PROM1: variants seen among roughly 807,000 people sequenced by gnomAD.
PROM1 encodes prominin 1, also known as prominin-1.
A neutral mutation model predicts 116.9 loss-of-function variants in PROM1; 105 were observed. The ratio of observed to expected loss-of-function variants is 0.90; its 90% CI spans 0.77 to 1.06. The LOEUF is 1.06. Among genes scored for constraint, PROM1 ranks in the 50% least tolerant of loss-of-function variants. The pLI is 0.00. For missense variants in PROM1, 1,122 were observed against 1,045.2 expected (o/e 1.07, Z -1.01); for synonymous variants, 393 against 387.0 (o/e 1.02, Z -0.18).
chr4:15,984,658 G>A (rs1442483868), intron 22 of PROM1, among the ~76,000 whole-genome samples: 2 of 152,154 alleles, frequency 1.3e-5, no homozygotes, highest in African/African-American at 4.8e-5. Context: ...AGCAGCAGCA[G>A]CATTAGATTC....
rs886059201 is a variant in PROM1 at position 15,994,037 on chromosome 4, G to A, written c.1717C>T (p.Leu573Phe). The A allele has an allele frequency of 1.1e-5, 18 of 1,613,888 alleles. No homozygotes were observed. The highest frequency in any genetic ancestry group is 1.6e-4 in the Middle Eastern group (1 of 6,084). Residue 573 changes from leucine (L) to phenylalanine (F), a missense_variant, in exon 16 of 28, where the codon CTT becomes TTT. By Grantham distance (22) the Leu-to-Phe change is conservative. Coordinates refer to ENST00000447510, the MANE Select transcript of PROM1 (RefSeq NM_006017.3). The stretch of plus-strand genomic sequence containing the variant: ...ATATTGAAGCTGTTCTGCAGGTGAA[G>A]AGTGCCGTAAGTGCCTCTATTTTTT... ...CKKNRGTYGT[L>F]HLQNSFNISE...
chr4:16,039,593 C>T (rs575040628), intron 2 of PROM1, among the ~76,000 whole-genome samples: 2 of 152,172 alleles, frequency 1.3e-5, no homozygotes, highest in South Asian at 4.1e-4. Context: ...CAAAAATTAG[C>T]CAGGCGTGGT....
rs4698436 is a variant in PROM1, at chr4:15,991,208, C to T, written c.1983+14G>A. ...ACAACTACTACAGTATTTAACCGGACGATTTGAACTCACCAAACTGTTTGC... is the reference window on the plus strand; with the variant it reads ...ACAACTACTACAGTATTTAACCGGATGATTTGAACTCACCAAACTGTTTGC... On this transcript the variant is annotated intron_variant, in intron 18 of 27. Coordinates refer to ENST00000447510, the MANE Select transcript of PROM1 (RefSeq NM_006017.3). 0.027 allele frequency: 43,071 copies of T among 1,595,646 alleles called. 1,760 individuals are homozygous for T. The highest frequency in any genetic ancestry group is 0.18 in the East Asian group (7,966 of 43,964).
intron 2 of PROM1, among the ~76,000 whole-genome samples, chr4:16,071,281 T>C (rs540789213): frequency 1.3e-5 from 2 of 152,298 alleles, no homozygotes; most frequent in South Asian, 2.1e-4. Flanking sequence ...TTTCAATAAA[T>C]GCTTGTCCAA....
intron 16 of PROM1, 119 bp from the exon 17 acceptor site, chr4:15,992,510 T>A (rs1721321938): frequency 1.8e-6 from 2 of 1,093,566 alleles, no homozygotes; most frequent in Non-Finnish European, 2.6e-6. Context: ...CCTAGCACTT[T>A]GGGAGGCTGA....
In PROM1 at chr4:15,992,319, C is replaced by T; in HGVS notation, c.1840G>A (p.Gly614Arg). 1.9e-6 allele frequency: 3 copies of T among 1,613,880 alleles called. No individual in the cohort carries two copies. The highest frequency in any genetic ancestry group is 2.5e-6 in the Non-Finnish European group (3 of 1,179,858). Residue 614 changes from glycine (G) to arginine (R), a missense_variant, in exon 17 of 28, where the codon GGA (glycine) becomes AGA (arginine). Transcript: ENST00000447510. ...NLNIFLLGAA[G>R]RKNLQDFAAC... is the part of the protein sequence containing the mutation. ...GCAAAATCCTGAAGGTTTTTTCTTC[C>T]TGCTGCACCCAACAGAAAGATATTA...
chr4:15,974,321 C>T (rs1356958085), intron 26 of PROM1, among the ~76,000 whole-genome samples: 3 of 152,128 alleles, frequency 2.0e-5, no homozygotes, highest in South Asian at 4.2e-4. Flanking sequence ...TCCAGGCTTA[C>T]GTAGGTTTAT....
At chr4:16,077,905 C>T (rs889606188) in intron 1 of PROM1, among the ~76,000 whole-genome samples, 6 of 152,212 alleles carry the variant, frequency 3.9e-5, no homozygotes, top group African/African-American at 9.7e-5. Flanking sequence ...CACCTCACCC[C>T]GAATCCAAAG....
rs558530380 is a variant in PROM1 at position 15,971,066 on chromosome 4, A to G, written c.*1T>C. The G allele has an allele frequency of 1.2e-5, 19 of 1,581,834 alleles. No individual in the cohort carries two copies. The South Asian group carries it at 2.1e-4, about 17-fold the overall frequency. On this transcript the variant is annotated 3_prime_UTR_variant, in exon 27 of 28. Transcript: ENST00000447510. ...ACCTCAAGCAGTTTCAACATCAGCT[A>G]TCAATGTTGTGATGGGCTAAAAAAC...
chr4:15,981,366 C>T (rs1717895991), intron 23 of PROM1, among the ~76,000 whole-genome samples: 2 of 151,346 alleles, frequency 1.3e-5, no homozygotes, highest in African/African-American at 2.4e-5. Context: ...GTTAGGAGGT[C>T]GAGACCATTC....
At chr4:16,070,788 C>G (rs1188885777) in intron 2 of PROM1, among the ~76,000 whole-genome samples, 1 of 152,162 alleles carries the variant, frequency 6.6e-6, no homozygotes, top group African/African-American at 2.4e-5. Context: ...CAAGGGAACA[C>G]GGCCCACTTA....
At chr4:16,081,020 A>G (rs1394583531) in intron 1 of PROM1, among the ~76,000 whole-genome samples, 1 of 151,284 alleles carries the variant, frequency 6.6e-6, no homozygotes, top group Non-Finnish European at 1.5e-5. Context: ...CCTTTCAAGA[A>G]GTCCTTTTAT....
In PROM1 at chr4:16,016,347, C is replaced by G. The variant is rs1448138420; in HGVS notation, c.1003-107G>C. The G allele has an allele frequency of 7.5e-5, 65 of 871,750 alleles. No homozygotes were observed. In the South Asian group the frequency reaches 1.0e-3, roughly 14 times the overall value. 54.0% of individuals were successfully genotyped at this position (871,750 alleles called of 1,614,324 possible). ...TCCAAGTCCCAAAGCATCTATACTACAGGGTACAATCGCAGTTTCTTTTGA... is the reference window on the plus strand; with the variant it reads ...TCCAAGTCCCAAAGCATCTATACTAGAGGGTACAATCGCAGTTTCTTTTGA... On this transcript the variant is annotated intron_variant, in intron 9 of 27. Coordinates refer to ENST00000447510, the MANE Select transcript of PROM1 (RefSeq NM_006017.3).
intron 5 of PROM1, among the ~76,000 whole-genome samples, chr4:16,026,517 G>A (rs898169450): frequency 6.6e-6 from 1 of 152,162 alleles, no homozygotes; most frequent in African/African-American, 2.4e-5. Flanking sequence ...CATATCAGAT[G>A]CAGAAAATCA....
At chr4:16,042,135 G>T (rs926600294) in intron 2 of PROM1, among the ~76,000 whole-genome samples, 6 of 152,130 alleles carry the variant, frequency 3.9e-5, no homozygotes, top group African/African-American at 1.4e-4. Flanking sequence ...TGAAATGAAA[G>T]AAGTGGAGCT....
At chr4:15,989,446 C>T (rs1332901619) in intron 19 of PROM1, among the ~76,000 whole-genome samples, 5 of 152,142 alleles carry the variant, frequency 3.3e-5, no homozygotes, top group East Asian at 1.9e-4. Flanking sequence ...TAGCTAAATG[C>T]GGGGCATAGG....
rs185315382 is a variant in PROM1, at chr4:16,026,751, C to T, written c.510-1439G>A. On this transcript the variant is annotated intron_variant, in intron 5 of 27. Transcript: ENST00000447510. ...AACATACTTTTCCTTTGCAGTATAA[C>T]ATAGGTCTATTAGGTTTCCCAAAAT... Among the ~76,000 whole-genome samples, 736 of 152,222 alleles carry T rather than the reference C, an allele frequency of 4.8e-3. 2 individuals carry two copies. Among genetic ancestry groups the T allele is most frequent in the Non-Finnish European group, 7.6e-3 (514 of 68,014 alleles).
rs1713672117 is a variant in PROM1 at position 15,968,780 on chromosome 4, T to C, written c.*613A>G. On this transcript the variant is annotated 3_prime_UTR_variant, in exon 28 of 28. Transcript: ENST00000447510. ...ATGGCCAATCTTTGATAAAGTATAATAGATGAAAATCTCTGCGTGAAGAAT... is the reference window on the plus strand; with the variant it reads ...ATGGCCAATCTTTGATAAAGTATAACAGATGAAAATCTCTGCGTGAAGAAT... The C allele has an allele frequency of 1.3e-5, 2 of 152,216 alleles. No homozygotes were observed. The highest frequency in any genetic ancestry group is 4.1e-4 in the South Asian group (2 of 4,828). 9.4% of individuals were successfully genotyped at this position (152,216 alleles called of 1,614,324 possible).
At chr4:16,016,622 G>A (rs556067659) in intron 9 of PROM1, among the ~76,000 whole-genome samples, 2 of 152,252 alleles carry the variant, frequency 1.3e-5, no homozygotes, top group East Asian at 3.9e-4. Context: ...ATCTGGAATC[G>A]TTTTTCCACT....
Sources: gnomAD v4.1 joint callset for allele counts (sites outside exome capture counted in the v4.1 genomes callset) on GRCh38, gnomAD v4.1.1 for gene constraint, MANE v1.5 for transcripts, NCBI Gene and HGNC (gene_info 2026-07-23, HGNC 2026-07-21) for gene names.